SMYD3: variants seen among roughly 807,000 people sequenced by gnomAD.
The protein encoded by SMYD3 is histone-lysine N-methyltransferase SMYD3.
A neutral mutation model predicts 57.7 loss-of-function variants in SMYD3; 36 were observed. The ratio of observed to expected loss-of-function variants is 0.62; its 90% CI spans 0.48 to 0.82. The LOEUF (loss-of-function observed/expected upper bound fraction) is 0.82, where lower values mean the gene tolerates loss of function less well. Ranked by LOEUF, SMYD3 falls within the 40% of genes least tolerant of loss-of-function variation. The pLI is 0.00. For missense variants in SMYD3, 515 were observed against 538.8 expected (o/e 0.96, Z 0.44); for synonymous variants, 211 against 195.0 (o/e 1.08, Z -0.68).
chr1:246,074,058 TG>T (rs1441789061), intron 5 of SMYD3, among the ~76,000 whole-genome samples: 13 of 152,364 alleles, frequency 8.5e-5, no homozygotes, highest in Admixed American at 7.8e-4. Flanking sequence ...TAAGTTTTTT[TG>T]TGTGATTTTT....
intron 1 of SMYD3, among the ~76,000 whole-genome samples, chr1:246,368,793 C>T (rs553232477): frequency 2.6e-5 from 4 of 151,214 alleles, no homozygotes; most frequent in Admixed American, 2.6e-4. Context: ...CTTAGTCTCC[C>T]GACCTACACC....
chr1:246,067,483 C>T (rs986337739), intron 5 of SMYD3, among the ~76,000 whole-genome samples: 3 of 152,104 alleles, frequency 2.0e-5, no homozygotes, highest in African/African-American at 7.2e-5. Context: ...TTGGGGAGAG[C>T]ATCTGGGTTT....
At chr1:245,793,196 C>G (rs1368362570) in intron 10 of SMYD3, among the ~76,000 whole-genome samples, 1 of 151,282 alleles carries the variant, frequency 6.6e-6, no homozygotes, top group Non-Finnish European at 1.5e-5. Context: ...GTAGTCCCAG[C>G]TACTCGGGAG....
intron 5 of SMYD3, among the ~76,000 whole-genome samples, chr1:246,272,941 G>A (rs558578631): frequency 6.6e-6 from 1 of 152,048 alleles, no homozygotes; most frequent in Non-Finnish European, 1.5e-5. Context: ...AGAGATTATT[G>A]ATTACTGATT....
intron 11 of SMYD3, among the ~76,000 whole-genome samples, chr1:245,762,241 C>T (rs1227678513): frequency 6.6e-6 from 1 of 152,248 alleles, no homozygotes; most frequent in African/African-American, 2.4e-5. Flanking sequence ...AATGCCTGTC[C>T]CATTGACCTC....
chr1:245,858,746 T>G, intron 9 of SMYD3, 76 bp from the exon 10 acceptor site: 3 of 1,479,094 alleles, frequency 2.0e-6, no homozygotes, highest in Non-Finnish European at 2.8e-6. Flanking sequence ...TCTAAAAGGC[T>G]AAAGAGCTCC....
chr1:246,257,797 A>C (rs1479681078), intron 5 of SMYD3, among the ~76,000 whole-genome samples: 3 of 152,152 alleles, frequency 2.0e-5, no homozygotes, highest in Non-Finnish European at 4.4e-5. Flanking sequence ...CTGTGTCCCC[A>C]AAAACTCTCA....
chr1:246,048,288 A>G (rs1422694568), intron 5 of SMYD3, among the ~76,000 whole-genome samples: 1 of 152,218 alleles, frequency 6.6e-6, no homozygotes, highest in Non-Finnish European at 1.5e-5. Context: ...ATTATAATCC[A>G]TTACAAACAA....
chr1:245,918,866 G>T (rs868341902), intron 7 of SMYD3, among the ~76,000 whole-genome samples: 2 of 152,180 alleles, frequency 1.3e-5, no homozygotes, highest in Non-Finnish European at 2.9e-5. Context: ...ATGGACAGTA[G>T]TTATTGGGAG....
intron 1 of SMYD3, among the ~76,000 whole-genome samples, chr1:246,387,974 T>G (rs369194342): frequency 3.2e-5 from 1 of 31,456 alleles, no homozygotes; most frequent in Non-Finnish European, 6.9e-5. Context: ...CATTCATTCT[T>G]GAAAATCACC....
chr1:246,010,355 G>C (rs908361943), intron 5 of SMYD3, among the ~76,000 whole-genome samples: 12 of 152,122 alleles, frequency 7.9e-5, no homozygotes, highest in Admixed American at 1.3e-4. Flanking sequence ...CCTCACACCA[G>C]AGATGAAGCT....
intron 5 of SMYD3, among the ~76,000 whole-genome samples, chr1:246,044,108 T>C (rs1156623085): frequency 6.6e-6 from 1 of 152,170 alleles, no homozygotes; most frequent in Non-Finnish European, 1.5e-5. Context: ...TTCCACAAAA[T>C]ATTATATATT....
intron 1 of SMYD3, among the ~76,000 whole-genome samples, chr1:246,469,277 A>G (rs555264784): frequency 6.6e-6 from 1 of 152,336 alleles, no homozygotes; most frequent in South Asian, 2.1e-4. Context: ...GTCTTCTTCC[A>G]TTCCACAATT....
chr1:246,224,652 G>C (rs1303284312), intron 5 of SMYD3, among the ~76,000 whole-genome samples: 2 of 151,948 alleles, frequency 1.3e-5, no homozygotes, highest in African/African-American at 2.4e-5. Flanking sequence ...AGGAAGGACA[G>C]AAGGAAGACT....
At chr1:246,120,607 T>C (rs768913588) in intron 5 of SMYD3, among the ~76,000 whole-genome samples, 4 of 152,222 alleles carry the variant, frequency 2.6e-5, no homozygotes, top group Non-Finnish European at 4.4e-5. Context: ...AGGGAGTATG[T>C]TGTGTCCAGT....
intron 1 of SMYD3, among the ~76,000 whole-genome samples, chr1:246,414,297 T>C (rs943490113): frequency 9.9e-5 from 15 of 151,774 alleles, no homozygotes; most frequent in African/African-American, 3.6e-4. Context: ...ATCAAAAGAG[T>C]CATTTTTAAA....
intron 5 of SMYD3, among the ~76,000 whole-genome samples, chr1:246,216,018 G>A (rs968630338): frequency 1.3e-5 from 2 of 152,090 alleles, no homozygotes; most frequent in Non-Finnish European, 2.9e-5. Context: ...GGCCGGGCAC[G>A]GTGGCTCACA....
At chr1:246,139,805 G>A (rs1050750303) in intron 5 of SMYD3, among the ~76,000 whole-genome samples, 2 of 152,156 alleles carry the variant, frequency 1.3e-5, no homozygotes, top group Non-Finnish European at 2.9e-5. Context: ...ATCACACTCT[G>A]AGAAGACAGC....
chr1:246,322,438 A>G (rs895408535), intron 5 of SMYD3: 12 of 151,986 alleles, frequency 7.9e-5, no homozygotes, highest in African/African-American at 2.7e-4. Flanking sequence ...AAAAAAAAAA[A>G]GTGTGTGGTA....
Sources: gnomAD v4.1 joint callset for allele counts (sites outside exome capture counted in the v4.1 genomes callset) on GRCh38, gnomAD v4.1.1 for gene constraint, MANE v1.5 for transcripts, NCBI Gene and HGNC (gene_info 2026-07-23, HGNC 2026-07-21) for gene names.